Variants in STAMBP observed in about 807,000 individuals in gnomAD.
STAMBP encodes STAM-binding protein.
In STAMBP, 31 loss-of-function variants were observed where a neutral mutation model predicts 50.7. The ratio of observed to expected loss-of-function variants is 0.61; its 90% CI spans 0.46 to 0.83. STAMBP has a LOEUF of 0.83. STAMBP is among the 40% of genes least tolerant of loss of function. STAMBP has a pLI of 0.00. For missense variants in STAMBP, 472 were observed against 518.9 expected (o/e 0.91, Z 0.88); for synonymous variants, 211 against 192.4 (o/e 1.10, Z -0.80).
At chr2:73,870,741 C>CA (rs1449112483), downstream of STAMBP, among the ~76,000 whole-genome samples, 1 of 152,060 alleles carries the variant, frequency 6.6e-6, no homozygotes, top group Non-Finnish European at 1.5e-5. Flanking sequence ...ATTTTGCCTT[C>CA]AAAAAAGTGA....
chr2:73,872,432 C>T (rs1363608341), intron 10 of STAMBP, among the ~76,000 whole-genome samples: 2 of 152,206 alleles, frequency 1.3e-5, no homozygotes, highest in African/African-American at 2.4e-5. Context: ...GTCGCACATC[C>T]AGGCTGTGGG....
At chr2:73,868,388 CT>C (rs1679053741), downstream of STAMBP, among the ~76,000 whole-genome samples, 1 of 152,030 alleles carries the variant, frequency 6.6e-6, no homozygotes, top group Non-Finnish European at 1.5e-5. Context: ...CAGCCCAGGT[CT>C]ACCTGACTCT....
intron 4 of STAMBP, among the ~76,000 whole-genome samples, chr2:73,847,129 A>G (rs1035454011): frequency 7.3e-5 from 11 of 151,288 alleles, no homozygotes; most frequent in African/African-American, 2.7e-4. Context: ...TGCATTAGGT[A>G]GAGTCATTGT....
At position 73,830,960 on chromosome 2, in the gene STAMBP, G is replaced by A. The variant is rs767731086; in HGVS notation, c.104G>A (p.Arg35Gln). 8.7e-6 allele frequency: 14 copies of A among 1,614,064 alleles called. No homozygotes were observed. The highest frequency in any genetic ancestry group is 4.2e-6 in the Non-Finnish European group (5 of 1,180,044). ...GTGAATGAAGACATTCCACCCCGTCGGTACTTCCGCTCTGGAGTTGAGATT... is the reference window on the plus strand; with the variant it reads ...GTGAATGAAGACATTCCACCCCGTCAGTACTTCCGCTCTGGAGTTGAGATT... ...VEVNEDIPPRRYFRSGVEIIR... is the reference protein window; with the variant it reads ...VEVNEDIPPRQYFRSGVEIIR... Residue 35 changes from arginine (R) to glutamine (Q), a missense_variant, in exon 2 of 10, where the codon CGG becomes CAG. Transcript: ENST00000394070.
At chr2:73,867,819 GAAAT>G (rs1199417679), downstream of STAMBP, among the ~76,000 whole-genome samples, 1 of 152,030 alleles carries the variant, frequency 6.6e-6, no homozygotes, top group Non-Finnish European at 1.5e-5. Flanking sequence ...CAGGGGGAAA[GAAAT>G]AAGTACTAAA....
intron 7 of STAMBP, among the ~76,000 whole-genome samples, chr2:73,858,408 G>A (rs1677864836): frequency 6.6e-6 from 1 of 151,986 alleles, no homozygotes; most frequent in Non-Finnish European, 1.5e-5. Flanking sequence ...CAAAGTGCTG[G>A]GGGTTACGGA....
chr2:73,850,635 G>A lies in STAMBP; in HGVS notation c.1005+122G>A. 1 of 1,140,908 alleles carries A rather than the reference G, an allele frequency of 8.8e-7. No individual in the cohort carries two copies. Among genetic ancestry groups the A allele is most frequent in the Non-Finnish European group, 1.2e-6 (1 of 836,124 alleles). The allele number at this position is 1,140,908 out of a possible 1,614,324, so 70.7% of individuals were successfully genotyped here. ...ATTATTTATTGTTTTTCTCTCTTTT[G>A]GATGCAGTCCTTAGCATACTTGACT... On this transcript the variant is annotated intron_variant, in intron 7 of 9. Coordinates refer to ENST00000394070, the MANE Select transcript of STAMBP (RefSeq NM_213622.4). This position sits in a 1 kb window ranked among gnomAD's most constrained non-coding sequence, Gnocchi z 4.3.
chr2:73,858,415 C>T (rs564911408), intron 7 of STAMBP, among the ~76,000 whole-genome samples: 25 of 152,118 alleles, frequency 1.6e-4, no homozygotes, highest in African/African-American at 2.7e-4. Flanking sequence ...CTGGGGGTTA[C>T]GGACATAAGC....
intron 2 of STAMBP, among the ~76,000 whole-genome samples, chr2:73,843,355 A>C (rs1357721646): frequency 6.9e-6 from 1 of 144,996 alleles, no homozygotes; most frequent in Non-Finnish European, 1.5e-5. Context: ...ATACCACCAC[A>C]CCCAGCTAAT....
chr2:73,865,987 A>T lies in STAMBP; in HGVS notation c.*3728A>T, dbSNP rs1245332347. 2 of 152,186 alleles carry T rather than the reference A, an allele frequency of 1.3e-5. No individual in the cohort carries two copies. Among genetic ancestry groups the T allele is most frequent in the Non-Finnish European group, 2.9e-5 (2 of 68,034 alleles). The allele number at this position is 152,186 out of a possible 1,614,324, so 9.4% of individuals were successfully genotyped here. ...CAGAGCAGACCCAGGACCTAAAGAA[A>T]TTACATCATCTCTATTTTCCCTTGG... On this transcript the variant is annotated 3_prime_UTR_variant, in exon 10 of 10. Transcript: ENST00000394070.
chr2:73,868,981 A>AG (rs1558608684), downstream of STAMBP, among the ~76,000 whole-genome samples: 3 of 152,244 alleles, frequency 2.0e-5, no homozygotes, highest in African/African-American at 4.8e-5. Flanking sequence ...CACTGCTGTC[A>AG]GGGACAAGAT....
intron 7 of STAMBP, among the ~76,000 whole-genome samples, chr2:73,854,642 G>A (rs1449236610): frequency 6.6e-6 from 1 of 152,036 alleles, no homozygotes; most frequent in African/African-American, 2.4e-5. Context: ...TGCCCAGCTA[G>A]TTCAGCTTTT....
chr2:73,858,598 A>G, intron 7 of STAMBP, among the ~76,000 whole-genome samples: 1 of 152,336 alleles, frequency 6.6e-6, no homozygotes, highest in Middle Eastern at 3.4e-3. Context: ...TACTCTCTTA[A>G]GCAGTTTTCA....
intron 2 of STAMBP, among the ~76,000 whole-genome samples, chr2:73,841,384 AT>A (rs1485950337): frequency 6.6e-6 from 1 of 152,184 alleles, no homozygotes; most frequent in South Asian, 2.1e-4. Flanking sequence ...GTTAAAAAAA[AT>A]CATAGAAACC....
rs1678619936 is a variant in STAMBP at position 73,863,918 on chromosome 2, C to G, written c.*1659C>G. 1 of 152,220 alleles carries G rather than the reference C, an allele frequency of 6.6e-6. No homozygotes were observed. Among genetic ancestry groups the G allele is most frequent in the Non-Finnish European group, 1.5e-5 (1 of 68,048 alleles). The allele number at this position is 152,220 out of a possible 1,614,324, so 9.4% of individuals were successfully genotyped here. ...TCAGGAGAAGCTTCTCACATTCCAGCCATGTTCATGTTTTCTCTCTTGCTC... is the reference window on the plus strand; with the variant it reads ...TCAGGAGAAGCTTCTCACATTCCAGGCATGTTCATGTTTTCTCTCTTGCTC... On this transcript the variant is annotated 3_prime_UTR_variant, in exon 10 of 10. Transcript: ENST00000394070.
chr2:73,873,064 G>A (rs1298388953), intron 10 of STAMBP, among the ~76,000 whole-genome samples: 1 of 152,220 alleles, frequency 6.6e-6, no homozygotes, highest in East Asian at 1.9e-4. Context: ...TGGAACTGTG[G>A]TGAGTGTGGG....
At chr2:73,840,937 G>C (rs908870611) in intron 2 of STAMBP, among the ~76,000 whole-genome samples, 9 of 151,906 alleles carry the variant, frequency 5.9e-5, no homozygotes, top group Non-Finnish European at 1.2e-4. Flanking sequence ...CAACCTTTAA[G>C]TCCCATTTCT....
chr2:73,854,399 G>A (rs1353706556), intron 7 of STAMBP, among the ~76,000 whole-genome samples: 1 of 152,194 alleles, frequency 6.6e-6, no homozygotes, highest in Non-Finnish European at 1.5e-5. Flanking sequence ...GAATAAAAGA[G>A]TTTTAAGTAT....
chr2:73,849,514 T>A, intron 6 of STAMBP, 27 bp downstream of exon 6: 1 of 1,567,484 alleles, frequency 6.4e-7, no homozygotes. Flanking sequence ...AACCAAACTC[T>A]TCTCTGAACC....
Sources: allele counts gnomAD v4.1 joint callset (sites outside exome capture counted in the v4.1 genomes callset), GRCh38; gene constraint gnomAD v4.1.1; non-coding constraint Gnocchi (gnomAD v3.1); transcripts MANE v1.5; gene names NCBI Gene and HGNC (gene_info 2026-07-23, HGNC 2026-07-21).